The following CDH13 variants were observed in gnomAD, a reference collection of about 807,000 sequenced individuals.
CDH13 encodes cadherin-13.
In CDH13, 24 loss-of-function variants were observed where a neutral mutation model predicts 63.8. The ratio of observed to expected loss-of-function variants is 0.38; its 90% CI spans 0.27 to 0.53. The LOEUF (loss-of-function observed/expected upper bound fraction) is 0.53, where lower values mean the gene tolerates loss of function less well. Among genes scored for constraint, CDH13 ranks in the 20% least tolerant of loss-of-function variants. The pLI, the probability that CDH13 is intolerant of heterozygous loss-of-function variation, is 0.85. For synonymous variants in CDH13, 503 were observed against 355.3 expected, an observed-to-expected ratio of 1.42 and a Z score of -4.67; for missense variants, 1,049 against 903.1, an observed-to-expected ratio of 1.16 and a Z score of -2.07.
chr16:83,768,639 C>A (rs1265757234), intron 11 of CDH13, among the ~76,000 whole-genome samples: 1 of 152,062 alleles, frequency 6.6e-6, no homozygotes, highest in African/African-American at 2.4e-5. Context: ...TGCTGGTTGC[C>A]CATGTTTATA....
intron 2 of CDH13, among the ~76,000 whole-genome samples, chr16:82,944,484 A>T (rs1904473626): frequency 6.6e-6 from 1 of 152,118 alleles, no homozygotes; most frequent in Non-Finnish European, 1.5e-5. Context: ...AGGGTCATGG[A>T]TTGCTTCCCA....
intron 10 of CDH13, among the ~76,000 whole-genome samples, chr16:83,707,835 G>GCAAAAAAAAAAAAAAAAAAA (rs1907336611): frequency 5.2e-5 from 1 of 19,222 alleles, no homozygotes; most frequent in Non-Finnish European, 1.1e-4. Context: ...GACCCTAAAG[G>GCAAAAAAAAAAAAAAAAAAA]CAAAAAAAAA....
Position 83,249,592 on chromosome 16 carries a change from C to G in CDH13, c.636+32095C>G, listed in dbSNP as rs566987623. ...GTTTTACAGGTAAGGCAAATGGGCACTCAGAGAGGTAAGATCTGACACCGT... is the reference window on the plus strand; with the variant it reads ...GTTTTACAGGTAAGGCAAATGGGCAGTCAGAGAGGTAAGATCTGACACCGT... On this transcript the variant is annotated intron_variant, in intron 5 of 13. Coordinates refer to ENST00000567109, the MANE Select transcript of CDH13 (RefSeq NM_001257.5). 5.8e-3 allele frequency among the ~76,000 whole-genome samples: 883 copies of G among 152,304 alleles called. 8 individuals carry two copies. Among genetic ancestry groups the G allele is most frequent in the South Asian group, 0.027 (131 of 4,822 alleles).
chr16:83,077,083 A>G (rs2032891093), intron 3 of CDH13, among the ~76,000 whole-genome samples: 1 of 150,714 alleles, frequency 6.6e-6, no homozygotes, highest in Non-Finnish European at 1.5e-5. Context: ...TGGTTCTAGA[A>G]TTTTATATGA....
At chr16:83,447,396 C>G (rs1259090909) in intron 6 of CDH13, among the ~76,000 whole-genome samples, 1 of 151,850 alleles carries the variant, frequency 6.6e-6, no homozygotes, top group Non-Finnish European at 1.5e-5. Flanking sequence ...GCCTGGGCTA[C>G]AAGAGCTAGA....
intron 1 of CDH13, among the ~76,000 whole-genome samples, chr16:82,659,949 A>C (rs1280579732): frequency 6.6e-6 from 1 of 152,168 alleles, no homozygotes; most frequent in Non-Finnish European, 1.5e-5. Flanking sequence ...AAAGGGGGGA[A>C]AGTGACTCCC....
intron 10 of CDH13, among the ~76,000 whole-genome samples, chr16:83,698,821 C>G (rs1055834060): frequency 6.6e-6 from 1 of 152,256 alleles, no homozygotes; most frequent in Non-Finnish European, 1.5e-5. Context: ...ATGGACCACA[C>G]AATCTGTGTC....
chr16:83,760,745 A>T (rs766344707), intron 11 of CDH13, among the ~76,000 whole-genome samples: 2 of 152,226 alleles, frequency 1.3e-5, no homozygotes, highest in Non-Finnish European at 2.9e-5. Context: ...TGTGTGTTTG[A>T]TACATGAAGA....
At chr16:83,677,807 G>T (rs1484152714) in intron 9 of CDH13, among the ~76,000 whole-genome samples, 1 of 152,068 alleles carries the variant, frequency 6.6e-6, no homozygotes, top group African/African-American at 2.4e-5. Flanking sequence ...GGAGTTACAG[G>T]TTCCAGGCAG....
At chr16:83,136,337 T>C (rs755411126) in intron 4 of CDH13, among the ~76,000 whole-genome samples, 59 of 151,450 alleles carry the variant, frequency 3.9e-4, no homozygotes, top group Non-Finnish European at 5.2e-4. Flanking sequence ...ACAACAAAAA[T>C]TAGCCGGGCG....
chr16:83,153,388 C>T (rs1278269110), intron 4 of CDH13, among the ~76,000 whole-genome samples: 1 of 152,020 alleles, frequency 6.6e-6, no homozygotes, highest in East Asian at 1.9e-4. Flanking sequence ...ACCTTAGGAG[C>T]AGTTTAGGGA....
intron 4 of CDH13, among the ~76,000 whole-genome samples, chr16:83,166,052 C>T (rs2037652039): frequency 6.6e-6 from 1 of 152,090 alleles, no homozygotes; most frequent in African/African-American, 2.4e-5. Context: ...AAGATAGAAC[C>T]TTCCTCAGTC....
chr16:82,929,633 C>A (rs1597234097), intron 2 of CDH13, among the ~76,000 whole-genome samples: 1 of 108,256 alleles, frequency 9.2e-6, no homozygotes, highest in Admixed American at 1.4e-4. Flanking sequence ...GCTTGGGGGA[C>A]AGAGTGAGAC....
chr16:83,002,010 C>G (rs1403533891), intron 2 of CDH13, among the ~76,000 whole-genome samples: 1 of 152,162 alleles, frequency 6.6e-6, no homozygotes, highest in Non-Finnish European at 1.5e-5. Flanking sequence ...TTGACTCATT[C>G]ATTTATTCAA....
chr16:83,198,636 T>C (rs1347656301), intron 4 of CDH13, among the ~76,000 whole-genome samples: 1 of 152,206 alleles, frequency 6.6e-6, no homozygotes, highest in Non-Finnish European at 1.5e-5. Context: ...CATCCCACTC[T>C]GTGGCTTCCT....
At chr16:82,722,464 T>C (rs2032835852) in intron 1 of CDH13, among the ~76,000 whole-genome samples, 1 of 152,036 alleles carries the variant, frequency 6.6e-6, no homozygotes, top group Non-Finnish European at 1.5e-5. Flanking sequence ...GGGCTGGCAA[T>C]GATTTGCCCA....
intron 1 of CDH13, among the ~76,000 whole-genome samples, chr16:82,636,899 C>G (rs1204783827): frequency 6.6e-6 from 1 of 152,218 alleles, no homozygotes; most frequent in Non-Finnish European, 1.5e-5. Flanking sequence ...CTACCTGATA[C>G]TAACTGGCTC....
intron 5 of CDH13, among the ~76,000 whole-genome samples, chr16:83,317,493 G>A (rs2090132353): frequency 6.6e-6 from 1 of 152,226 alleles, no homozygotes; most frequent in South Asian, 2.1e-4. Context: ...CACGTTTGCT[G>A]GGGGCACTTC....
At chr16:82,792,415 A>G (rs915372835) in intron 1 of CDH13, among the ~76,000 whole-genome samples, 8 of 152,186 alleles carry the variant, frequency 5.3e-5, no homozygotes, top group African/African-American at 1.7e-4. Flanking sequence ...TCTGATAAAA[A>G]AAAGATCAAT....
Sources: allele counts gnomAD v4.1 joint callset (sites outside exome capture counted in the v4.1 genomes callset), GRCh38; gene constraint gnomAD v4.1.1; transcripts MANE v1.5; gene names NCBI Gene and HGNC (gene_info 2026-07-23, HGNC 2026-07-21).